KCTD16: variants seen among roughly 807,000 people sequenced by gnomAD.
KCTD16 encodes BTB/POZ domain-containing protein KCTD16.
Under a neutral mutation model 33.2 loss-of-function variants are expected in KCTD16, and 13 were observed. The observed-to-expected ratio is 0.39, with a 90% CI of 0.25 to 0.62. The LOEUF is 0.62. Among genes scored for constraint, KCTD16 ranks in the 20% least tolerant of loss-of-function variants. The pLI, the probability that KCTD16 is intolerant of heterozygous loss-of-function variation, is 0.50. For synonymous variants in KCTD16, 197 were observed against 195.3 expected (o/e 1.01, Z -0.07); for missense variants, 441 against 525.1 (o/e 0.84, Z 1.57).
chr5:144,341,463 G>T (rs1028410735), intron 3 of KCTD16, among the ~76,000 whole-genome samples: 1 of 152,110 alleles, frequency 6.6e-6, no homozygotes. Flanking sequence ...CCTCTCTATT[G>T]TGAATCTGAA....
At chr5:144,417,951 T>C (rs555886919) in intron 3 of KCTD16, among the ~76,000 whole-genome samples, 17 of 152,252 alleles carry the variant, frequency 1.1e-4, no homozygotes, top group Non-Finnish European at 1.8e-4. Flanking sequence ...AAAGATGGTG[T>C]GTCCGGAGTT....
At chr5:144,272,976 T>A (rs1339273162) in intron 3 of KCTD16, among the ~76,000 whole-genome samples, 1 of 152,106 alleles carries the variant, frequency 6.6e-6, no homozygotes. Flanking sequence ...AAAAAATATA[T>A]ACTCCATGAA....
chr5:144,473,953 T>A lies in KCTD16; in HGVS notation c.1126T>A (p.Ser376Thr), dbSNP rs762923781. 8 of 1,613,724 alleles carry A rather than the reference T, an allele frequency of 5.0e-6. No homozygotes were observed. In the South Asian group the frequency reaches 8.8e-5, roughly 18 times the overall value. Residue 376 changes from serine to threonine, a missense_variant, in exon 4 of 4, where the codon TCG becomes ACG. Physicochemically the swap from Ser to Thr is moderately conservative, Grantham distance 58. Coordinates refer to ENST00000512467, the MANE Select transcript of KCTD16 (RefSeq NM_020768.4). ...LRTLTSGSRESNMSSKKKAVK... is the reference protein window; with the variant it reads ...LRTLTSGSRETNMSSKKKAVK... Reference sequence around the variant, plus strand: ...GACTCTGACTTCAGGCTCCAGGGAATCGAACATGAGCAGCAAAAAAAAAGC... The same window carrying A: ...GACTCTGACTTCAGGCTCCAGGGAAACGAACATGAGCAGCAAAAAAAAAGC...
At chr5:144,410,555 T>C (rs555630644) in intron 3 of KCTD16, among the ~76,000 whole-genome samples, 1 of 152,158 alleles carries the variant, frequency 6.6e-6, no homozygotes, top group African/African-American at 2.4e-5. Context: ...CAAGTTCCAA[T>C]AACAATCTTA....
chr5:144,432,511 A>C (rs188367920), intron 3 of KCTD16, among the ~76,000 whole-genome samples: 1 of 152,282 alleles, frequency 6.6e-6, no homozygotes, highest in Admixed American at 6.5e-5. Context: ...TGTTGAAATG[A>C]TATCTTTGAA....
At chr5:144,262,730 T>G (rs1018010544) in intron 3 of KCTD16, among the ~76,000 whole-genome samples, 2 of 152,250 alleles carry the variant, frequency 1.3e-5, no homozygotes, top group Non-Finnish European at 2.9e-5. Flanking sequence ...CAGTTAATAT[T>G]CATGCCCTAC....
At chr5:144,281,644 GA>G (rs1490393435) in intron 3 of KCTD16, among the ~76,000 whole-genome samples, 2 of 151,740 alleles carry the variant, frequency 1.3e-5, no homozygotes, top group Non-Finnish European at 2.9e-5. Context: ...ATGTGTACTT[GA>G]AAAAAAATTC....
chr5:144,456,208 C>T (rs1332733963), intron 3 of KCTD16, among the ~76,000 whole-genome samples: 1 of 151,494 alleles, frequency 6.6e-6, no homozygotes, highest in Non-Finnish European at 1.5e-5. Context: ...TCACAAACCC[C>T]CCCCAACAAA....
intron 3 of KCTD16, among the ~76,000 whole-genome samples, chr5:144,266,105 T>C (rs976082971): frequency 2.6e-5 from 4 of 152,126 alleles, no homozygotes; most frequent in South Asian, 2.1e-4. Context: ...CTCTGAGAGG[T>C]TGGGGACAGC....
Position 144,226,973 on chromosome 5 carries a change from C to G in KCTD16, c.832+19427C>G, listed in dbSNP as rs1431322929. ...TTTTATGCATTATTAATTTATTTAA[C>G]TATTTTTATTAAACAGCTACTATAT... On this transcript the variant is annotated intron_variant, in intron 3 of 3. Transcript: ENST00000512467. Among the ~76,000 whole-genome samples the G allele has an allele frequency of 1.3e-5, 2 of 152,136 alleles. 1 individual carries two copies. Among genetic ancestry groups the G allele is most frequent in the East Asian group, 3.8e-4 (2 of 5,202 alleles).
At chr5:144,379,437 G>T (rs1752162877) in intron 3 of KCTD16, among the ~76,000 whole-genome samples, 2 of 152,268 alleles carry the variant, frequency 1.3e-5, no homozygotes, top group South Asian at 4.1e-4. Flanking sequence ...TGACTATAGG[G>T]ACTGTGAGAG....
At chr5:144,237,027 G>A (rs530480836) in intron 3 of KCTD16, among the ~76,000 whole-genome samples, 1 of 152,168 alleles carries the variant, frequency 6.6e-6, no homozygotes, top group Admixed American at 6.6e-5. Flanking sequence ...AGGTACCAGT[G>A]ATTAGTTCTA....
intron 3 of KCTD16, among the ~76,000 whole-genome samples, chr5:144,243,473 G>A (rs1360092513): frequency 6.6e-6 from 1 of 152,142 alleles, no homozygotes; most frequent in Non-Finnish European, 1.5e-5. Flanking sequence ...TGGATCCCAT[G>A]TGTATTTGTT....
chr5:144,245,269 G>A (rs972198662), intron 3 of KCTD16, among the ~76,000 whole-genome samples: 1 of 152,160 alleles, frequency 6.6e-6, no homozygotes, highest in Admixed American at 6.5e-5. Flanking sequence ...AGATACAACT[G>A]TGGTAGATAC....
intron 3 of KCTD16, among the ~76,000 whole-genome samples, chr5:144,445,405 A>G (rs762902913): frequency 1.8e-4 from 27 of 152,130 alleles, no homozygotes; most frequent in African/African-American, 6.3e-4. Context: ...CTTTATGTGC[A>G]TGTCATTCTG....
chr5:144,237,858 T>A (rs1754295869), intron 3 of KCTD16, among the ~76,000 whole-genome samples: 1 of 152,114 alleles, frequency 6.6e-6, no homozygotes, highest in African/African-American at 2.4e-5. Context: ...AACAGAGTAC[T>A]GGAGAAGCTG....
intron 3 of KCTD16, among the ~76,000 whole-genome samples, chr5:144,299,135 TA>T (rs1561558735): frequency 3.4e-3 from 112 of 33,128 alleles, no homozygotes; most frequent in African/African-American, 0.02. Context: ...TATATATATA[TA>T]TATATATATA....
chr5:144,214,482 C>T (rs1248677099), intron 3 of KCTD16, among the ~76,000 whole-genome samples: 1 of 152,208 alleles, frequency 6.6e-6, no homozygotes, highest in East Asian at 1.9e-4. Context: ...ACATGAACCA[C>T]ATCCTTTTGT....
At chr5:144,283,459 A>G (rs906868932) in intron 3 of KCTD16, among the ~76,000 whole-genome samples, 1 of 152,196 alleles carries the variant, frequency 6.6e-6, no homozygotes, top group East Asian at 1.9e-4. Flanking sequence ...TTTATCCCAT[A>G]CTATGGACAA....
Sources: gnomAD v4.1 joint callset for allele counts (sites outside exome capture counted in the v4.1 genomes callset) on GRCh38, gnomAD v4.1.1 for gene constraint, MANE v1.5 for transcripts, NCBI Gene and HGNC (gene_info 2026-07-23, HGNC 2026-07-21) for gene names.